LANCL1: variants seen among roughly 807,000 people sequenced by gnomAD.
LANCL1 encodes glutathione S-transferase LANCL1.
In LANCL1, 50 loss-of-function variants were observed where a neutral mutation model predicts 50.6. The observed-to-expected ratio is 0.99, with a 90% confidence interval of 0.79 to 1.25. The LOEUF (loss-of-function observed/expected upper bound fraction) is 1.25. LANCL1 is among the 50% of genes most tolerant of loss of function. LANCL1 has a pLI of 0.00. For synonymous variants in LANCL1, 188 were observed against 178.6 expected (o/e 1.05, Z -0.42); for missense variants, 532 against 480.7 (o/e 1.11, Z -1.00).
intron 3 of LANCL1, among the ~76,000 whole-genome samples, chr2:210,455,900 T>C (rs975357779): frequency 6.6e-6 from 1 of 151,894 alleles, no homozygotes; most frequent in African/African-American, 2.4e-5. Context: ...AGAAAGTTAT[T>C]TGATAGCTGA....
At chr2:210,471,923 C>T (rs752443458) in intron 3 of LANCL1, 36 bp downstream of exon 3, 2 of 1,424,162 alleles carry the variant, frequency 1.4e-6, no homozygotes, top group South Asian at 1.1e-5. Context: ...CTCTTAAGCA[C>T]AATGCTTATG....
Position 210,476,534 on chromosome 2 carries a change from C to T in LANCL1, c.-17+86G>A, listed in dbSNP as rs1694384786. 5.0e-6 allele frequency: 7 copies of T among 1,406,178 alleles called. No homozygotes were observed. The Middle Eastern group carries it at 8.1e-4, about 162-fold the overall frequency. 87.1% of individuals were successfully genotyped at this position (1,406,178 alleles called of 1,614,324 possible). A position where few individuals can be genotyped will look rare whatever the true frequency, so the allele number is the denominator to read the frequency against. ...CTCCAGGGCCATCGAGCCGTCTCGG[C>T]GGTCCGAGTGGACCTCGGGCCCACT... On this transcript the variant is annotated intron_variant, in intron 1 of 9. Transcript: ENST00000450366.
At chr2:210,468,312 T>TC (rs1264823330) in intron 3 of LANCL1, 3 of 151,866 alleles carry the variant, frequency 2.0e-5, no homozygotes, top group Non-Finnish European at 4.4e-5. Flanking sequence ...GGTAAATTTA[T>TC]CCCCCCAAAA....
chr2:210,471,769 G>A, intron 3 of LANCL1, 190 bp downstream of exon 3: 1 of 744,314 alleles, frequency 1.3e-6, no homozygotes, highest in Admixed American at 1.7e-5. Context: ...CCTAAATTCA[G>A]GGCACTATTA....
At chr2:210,458,108 G>C (rs1435706944) in intron 3 of LANCL1, among the ~76,000 whole-genome samples, 1 of 152,182 alleles carries the variant, frequency 6.6e-6, no homozygotes, top group African/African-American at 2.4e-5. Context: ...CATCGTCTAA[G>C]GACCATGAGT....
At chr2:210,447,394 C>CA in intron 4 of LANCL1, among the ~76,000 whole-genome samples, 1 of 152,262 alleles carries the variant, frequency 6.6e-6, no homozygotes, top group Non-Finnish European at 1.5e-5. Context: ...CCAGCTACTG[C>CA]AAAAACATAC....
chr2:210,459,146 G>T (rs190471598), intron 3 of LANCL1, among the ~76,000 whole-genome samples: 1 of 152,132 alleles, frequency 6.6e-6, no homozygotes, highest in East Asian at 1.9e-4. Context: ...GTAAAAATCT[G>T]CTCTAAACTG....
intron 3 of LANCL1, among the ~76,000 whole-genome samples, chr2:210,463,434 C>A (rs1358546302): frequency 1.3e-5 from 2 of 152,070 alleles, no homozygotes; most frequent in Non-Finnish European, 2.9e-5. Context: ...TAAAATGGTG[C>A]CTGGCATACA....
At chr2:210,443,362 C>T (rs1240456038) in intron 4 of LANCL1, among the ~76,000 whole-genome samples, 2 of 152,062 alleles carry the variant, frequency 1.3e-5, no homozygotes, top group African/African-American at 4.8e-5. Flanking sequence ...CTAAATTAGC[C>T]TATAAATTTG....
chr2:210,454,539 T>C (rs909295441), intron 4 of LANCL1, among the ~76,000 whole-genome samples: 3 of 152,170 alleles, frequency 2.0e-5, no homozygotes, highest in Non-Finnish European at 4.4e-5. Flanking sequence ...GAGCGATGCA[T>C]GCAGAGTTGC....
chr2:210,440,660 AC>A lies in LANCL1; in HGVS notation c.627del (p.Trp209CysfsTer7). The part of the protein sequence containing the change: ...FTAKSPLMYE[W>X]YQEYYVGAAH... ...GCAGCCCCTACATAATATTCCTGGT[AC>A]CATTCATACATCAGTGGAGACTTTG... On this transcript the variant is annotated frameshift_variant, in exon 6 of 10. Transcript: ENST00000450366. LOFTEE classifies it high-confidence loss of function. 6.2e-7 allele frequency: 1 copy of A among 1,613,954 alleles called. No individual in the cohort carries two copies. The highest frequency in any genetic ancestry group is 1.3e-5 in the African/African-American group (1 of 75,040).
chr2:210,443,096 T>C (rs1323502662), intron 4 of LANCL1, among the ~76,000 whole-genome samples: 2 of 152,172 alleles, frequency 1.3e-5, no homozygotes, highest in Non-Finnish European at 1.5e-5. Context: ...GTCATAGACA[T>C]GGCACAGCAG....
At chr2:210,436,035 G>A (rs1325130704) in intron 8 of LANCL1, among the ~76,000 whole-genome samples, 181 bp downstream of exon 8, 1 of 151,420 alleles carries the variant, frequency 6.6e-6, no homozygotes, top group Non-Finnish European at 1.5e-5. Flanking sequence ...CAAAGTAGCT[G>A]GGATTATAGG....
chr2:210,447,129 C>T (rs1693364298), intron 4 of LANCL1, among the ~76,000 whole-genome samples: 1 of 152,146 alleles, frequency 6.6e-6, no homozygotes, highest in African/African-American at 2.4e-5. Flanking sequence ...CAAAGGGAAG[C>T]CCATCAGACT....
intron 4 of LANCL1, among the ~76,000 whole-genome samples, chr2:210,452,503 C>T (rs1693541618): frequency 1.3e-5 from 2 of 152,106 alleles, no homozygotes; most frequent in Non-Finnish European, 2.9e-5. Flanking sequence ...CCCTCCACTC[C>T]CCAGCCATTT....
chr2:210,472,825 C>T (rs1236143678), intron 2 of LANCL1, among the ~76,000 whole-genome samples: 2 of 152,122 alleles, frequency 1.3e-5, no homozygotes, highest in African/African-American at 4.8e-5. Flanking sequence ...GATAGTGTAT[C>T]ACAAGTCTTT....
intron 3 of LANCL1, among the ~76,000 whole-genome samples, chr2:210,456,305 T>C (rs751093796): frequency 6.6e-6 from 1 of 152,212 alleles, no homozygotes; most frequent in Non-Finnish European, 1.5e-5. Context: ...TTCAATGCAG[T>C]AAAAATGCTG....
At chr2:210,437,087 C>A (rs1291763746) in intron 7 of LANCL1, among the ~76,000 whole-genome samples, 2 of 151,760 alleles carry the variant, frequency 1.3e-5, no homozygotes, top group East Asian at 3.9e-4. Flanking sequence ...TCATAGATAT[C>A]TTTTTTTTTC....
At chr2:210,451,725 C>T (rs187951716) in intron 4 of LANCL1, among the ~76,000 whole-genome samples, 12 of 152,264 alleles carry the variant, frequency 7.9e-5, no homozygotes, top group Non-Finnish European at 1.6e-4. Context: ...GCACTCACAG[C>T]CCCACACTGG....
Sources: allele counts gnomAD v4.1 joint callset (sites outside exome capture counted in the v4.1 genomes callset), GRCh38; gene constraint gnomAD v4.1.1; transcripts MANE v1.5; gene names NCBI Gene and HGNC (gene_info 2026-07-23, HGNC 2026-07-21).